The following ADAMTS16 variants were observed in gnomAD, a reference collection of about 807,000 sequenced individuals.
The protein encoded by ADAMTS16 is ADAM metallopeptidase with thrombospondin type 1 motif 16.
Under a neutral mutation model 145.8 loss-of-function variants are expected in ADAMTS16, and 94 were observed. The observed-to-expected ratio is 0.64, with a 90% CI of 0.55 to 0.77. The LOEUF (loss-of-function observed/expected upper bound fraction) is 0.77. Ranked by LOEUF, ADAMTS16 falls within the 30% of genes least tolerant of loss-of-function variation. The pLI, the probability that ADAMTS16 is intolerant of heterozygous loss-of-function variation, is 0.00. For synonymous variants in ADAMTS16, 659 were observed against 604.3 expected (o/e 1.09, Z -1.33); for missense variants, 1,585 against 1,591.5 (o/e 1.00, Z 0.07).
chr5:5,183,154 C>T (rs576594320), intron 4 of ADAMTS16, among the ~76,000 whole-genome samples: 152 of 152,336 alleles, frequency 1.0e-3, no homozygotes, highest in African/African-American at 3.5e-3. Flanking sequence ...GAACCCCTTT[C>T]GTCCTACCCC....
At chr5:5,207,149 C>G (rs1275681973) in intron 9 of ADAMTS16, among the ~76,000 whole-genome samples, 1 of 152,202 alleles carries the variant, frequency 6.6e-6, no homozygotes, top group Non-Finnish European at 1.5e-5. Context: ...AAGAACTAAT[C>G]TCCTGACAAG....
chr5:5,259,446 C>A (rs111885070), intron 17 of ADAMTS16, among the ~76,000 whole-genome samples: 1 of 152,212 alleles, frequency 6.6e-6, no homozygotes, highest in South Asian at 2.1e-4. Context: ...AGGTCTCAAT[C>A]GAGTTTATTT....
At chr5:5,204,744 T>G (rs1423302645) in intron 9 of ADAMTS16, among the ~76,000 whole-genome samples, 1 of 152,226 alleles carries the variant, frequency 6.6e-6, no homozygotes, top group Non-Finnish European at 1.5e-5. Context: ...ACTGTGAATA[T>G]TCTCTTGGTT....
chr5:5,249,598 G>A (rs1311638998), intron 17 of ADAMTS16, among the ~76,000 whole-genome samples: 1 of 152,130 alleles, frequency 6.6e-6, no homozygotes, highest in Admixed American at 6.6e-5. Context: ...GGGCCCTGCA[G>A]TAGCATCCAA....
At chr5:5,218,270 A>G (rs542005616) in intron 10 of ADAMTS16, among the ~76,000 whole-genome samples, 30 of 152,156 alleles carry the variant, frequency 2.0e-4, no homozygotes, top group Non-Finnish European at 3.8e-4. Flanking sequence ...ATGGTTGCAC[A>G]TATTTATGGG....
intron 3 of ADAMTS16, among the ~76,000 whole-genome samples, chr5:5,174,196 T>A (rs1046539638): frequency 1.3e-5 from 2 of 152,204 alleles, no homozygotes; most frequent in Non-Finnish European, 2.9e-5. Flanking sequence ...TCCTTCATGT[T>A]TGAGGGATAT....
At chr5:5,233,395 A>G (rs1326636355) in intron 12 of ADAMTS16, among the ~76,000 whole-genome samples, 2 of 152,146 alleles carry the variant, frequency 1.3e-5, no homozygotes, top group Admixed American at 6.5e-5. Flanking sequence ...ACATAAGCAA[A>G]CTTGTGTCAC....
At chr5:5,218,681 G>A (rs1403801480) in intron 10 of ADAMTS16, among the ~76,000 whole-genome samples, 3 of 152,336 alleles carry the variant, frequency 2.0e-5, no homozygotes, top group East Asian at 1.9e-4. Flanking sequence ...AGATGAGTGC[G>A]AGGTTTTATT....
intron 20 of ADAMTS16, 134 bp from the exon 21 acceptor site, chr5:5,306,370 C>A: frequency 2.5e-6 from 2 of 789,174 alleles, no homozygotes; most frequent in Non-Finnish European, 2.0e-6. Context: ...CTTAAAAATG[C>A]TAAGGTCCAA....
At position 5,262,763 on chromosome 5, in the gene ADAMTS16, A is replaced by G. The variant is rs1365610158; in HGVS notation, c.2769A>G (p.Lys923=). Residue 923 remains lysine, a synonymous_variant, in exon 18 of 23, where the codon AAA becomes AAG. Transcript: ENST00000274181. The stretch of plus-strand genomic sequence containing the variant: ...CTGTCACGGGGCTGGTGCCTTGCAA[A>G]GTATCTGCCTGTCCTCCCAGGTAAG... ...TRPVTGLVPC[K]VSACPPSWSV... is the part of the protein sequence containing the mutation. 1 of 1,614,156 alleles carries G rather than the reference A, an allele frequency of 6.2e-7. No homozygotes were observed. The highest frequency in any genetic ancestry group is 2.2e-5 in the East Asian group (1 of 44,872).
chr5:5,140,524 G>A lies in ADAMTS16; in HGVS notation c.57G>A (p.Ala19=), dbSNP rs1167945141. ...TGGCGGCGCTGTGGATGCTGTTGGC[G>A]CAGGTGGCCGAGCAGGTGAGTCCCG... ...RGLAALWMLL[A]QVAEQAPACA... The change falls in exon 1 of 23, where the codon GCG becomes GCA. Residue 19 remains alanine, a synonymous_variant. Coordinates refer to ENST00000274181, the MANE Select transcript of ADAMTS16 (RefSeq NM_139056.4). 1 of 1,513,808 alleles carries A rather than the reference G, an allele frequency of 6.6e-7. No individual in the cohort carries two copies. Among genetic ancestry groups the A allele is most frequent in the Admixed American group, 2.1e-5 (1 of 47,928 alleles). The allele number at this position is 1,513,808 out of a possible 1,614,324, so 93.8% of individuals were successfully genotyped here. A position where few individuals can be genotyped will look rare whatever the true frequency, so the allele number is the denominator to read the frequency against.
chr5:5,260,104 C>T (rs1737955462), intron 17 of ADAMTS16, among the ~76,000 whole-genome samples: 1 of 152,234 alleles, frequency 6.6e-6, no homozygotes, highest in Non-Finnish European at 1.5e-5. Context: ...GATTGAGGTC[C>T]ATCTTCAATG....
intron 10 of ADAMTS16, among the ~76,000 whole-genome samples, chr5:5,217,511 C>A (rs372410205): frequency 1.2e-4 from 18 of 152,014 alleles, no homozygotes; most frequent in African/African-American, 4.4e-4. Flanking sequence ...GTCTGTAATC[C>A]GACTCAAGTT....
rs545261602 is a variant in ADAMTS16, at chr5:5,266,027, T to A, written c.2789+3244T>A. Among the ~76,000 whole-genome samples, 365 of 142,506 alleles carry A rather than the reference T, an allele frequency of 2.6e-3. 2 individuals are homozygous for A. The highest frequency in any genetic ancestry group is 9.0e-3 in the African/African-American group (351 of 39,170). 93.5% of individuals were successfully genotyped at this position (142,506 alleles called of 152,430 possible). On this transcript the variant is annotated intron_variant, in intron 18 of 22. Transcript: ENST00000274181. ...GTGTGTGTGTGTGTGTGTGTGTGTG[T>A]GACTTTCACATGCAGGAGGGACTAG... is the stretch of plus-strand genomic sequence containing the variant.
At chr5:5,234,929 G>A in intron 12 of ADAMTS16, 85 bp from the exon 13 acceptor site, 3 of 1,193,070 alleles carry the variant, frequency 2.5e-6, no homozygotes, top group Non-Finnish European at 3.3e-6. Context: ...AACACTCTTA[G>A]CTTCATCTCT....
At chr5:5,242,022 G>T in intron 16 of ADAMTS16, 31 bp from the exon 17 acceptor site, 1 of 1,612,580 alleles carries the variant, frequency 6.2e-7, no homozygotes, top group Non-Finnish European at 8.5e-7. Flanking sequence ...GCATTAATTT[G>T]TTTTATTTTT....
chr5:5,229,268 G>T (rs1003123141), intron 11 of ADAMTS16, among the ~76,000 whole-genome samples: 1 of 136,684 alleles, frequency 7.3e-6, no homozygotes, highest in Non-Finnish European at 1.5e-5. Flanking sequence ...ACTGCAGTCC[G>T]CAGTCCGGCC....
intron 13 of ADAMTS16, 21 bp from the exon 14 acceptor site, chr5:5,236,948 G>T: frequency 5.0e-6 from 8 of 1,599,400 alleles, no homozygotes; most frequent in Non-Finnish European, 6.0e-6. Flanking sequence ...ATTTGTGTTT[G>T]TGTGTGTATT....
intron 18 of ADAMTS16, among the ~76,000 whole-genome samples, chr5:5,273,804 C>T (rs776813568): frequency 1.3e-5 from 2 of 152,120 alleles, no homozygotes; most frequent in Non-Finnish European, 2.9e-5. Flanking sequence ...CACAATAAAC[C>T]GTAAGCCAGA....
Sources: gnomAD v4.1 joint callset for allele counts (sites outside exome capture counted in the v4.1 genomes callset) on GRCh38, gnomAD v4.1.1 for gene constraint, MANE v1.5 for transcripts, NCBI Gene and HGNC (gene_info 2026-07-23, HGNC 2026-07-21) for gene names.